EVC2: variants seen among roughly 807,000 people sequenced by gnomAD.
The protein encoded by EVC2 is EvC ciliary complex subunit 2, also known as limbin.
A neutral mutation model predicts 149.3 loss-of-function variants in EVC2; 148 were observed. The observed-to-expected ratio is 0.99, with a 90% CI of 0.87 to 1.14. EVC2 has a LOEUF of 1.14. Ranked by LOEUF, EVC2 falls within the 50% of genes most tolerant of loss-of-function variation. The probability of loss-of-function intolerance (pLI) is 0.00; values close to 1 mark genes in which losing one functional copy is unlikely to be tolerated. For synonymous variants in EVC2, 776 were observed against 649.9 expected (o/e 1.19, Z -2.95); for missense variants, 1,854 against 1,627.3 (o/e 1.14, Z -2.40).
chr4:5,678,753 T>C (rs1720152810), intron 7 of EVC2, among the ~76,000 whole-genome samples: 1 of 152,096 alleles, frequency 6.6e-6, no homozygotes. Context: ...GATCCAAGTA[T>C]GGAAAAGGTA....
intron 3 of EVC2, among the ~76,000 whole-genome samples, chr4:5,692,596 G>A (rs979346879): frequency 1.3e-5 from 2 of 151,986 alleles, no homozygotes; most frequent in Non-Finnish European, 2.9e-5. Flanking sequence ...TGCCGGGCGC[G>A]GTGGCTCACG....
intron 11 of EVC2, among the ~76,000 whole-genome samples, chr4:5,631,171 A>G (rs1226558702): frequency 6.6e-6 from 1 of 152,228 alleles, no homozygotes; most frequent in Non-Finnish European, 1.5e-5. Context: ...ATCCAAGTAT[A>G]TCCAGGCACA....
chr4:5,708,488 C>A lies in EVC2; in HGVS notation c.26G>T (p.Arg9Leu). The change falls in exon 1 of 22, where the codon CGC becomes CTC. Residue 9 changes from arginine to leucine, a missense_variant. By Grantham distance (102) the Arg-to-Leu change is moderately radical (BLOSUM62 -2). Transcript: ENST00000344408. ...ACCCCCGGCCAGCACCCACGTGGGG[C>A]GCCCCCGGGAGCCCGAGGGGTCCAT... MDPSGSRG[R>L]PTWVLAGGLL... is the part of the protein sequence containing the mutation. The A allele has an allele frequency of 6.7e-7, 1 of 1,482,628 alleles. No individual in the cohort carries two copies. Among genetic ancestry groups the A allele is most frequent in the Non-Finnish European group, 8.9e-7 (1 of 1,124,434 alleles). The allele number at this position is 1,482,628 out of a possible 1,614,324, so 91.8% of individuals were successfully genotyped here.
At chr4:5,565,119 A>G (rs1722191662) in intron 21 of EVC2, 139 bp downstream of exon 21, 1 of 785,420 alleles carries the variant, frequency 1.3e-6, no homozygotes, top group Non-Finnish European at 2.2e-6. Context: ...CTGAATAAAG[A>G]TTTGTGGTCT....
chr4:5,594,077 C>G (rs1363898185), intron 16 of EVC2, among the ~76,000 whole-genome samples: 1 of 152,198 alleles, frequency 6.6e-6, no homozygotes, highest in Non-Finnish European at 1.5e-5. Flanking sequence ...GAAGCTCAAA[C>G]TGGGTGGAGC....
intron 7 of EVC2, among the ~76,000 whole-genome samples, chr4:5,671,802 G>A (rs541192340): frequency 2.6e-5 from 4 of 152,322 alleles, no homozygotes; most frequent in South Asian, 4.1e-4. Flanking sequence ...CAGCCACTGC[G>A]CCTGGCCTCA....
intron 1 of EVC2, among the ~76,000 whole-genome samples, chr4:5,704,582 T>A (rs1482738878): frequency 6.6e-6 from 1 of 152,084 alleles, no homozygotes; most frequent in Admixed American, 6.5e-5. Context: ...GTGTGAGTAC[T>A]GACAGAAGGA....
chr4:5,664,291 G>C (rs1330834725), intron 8 of EVC2, among the ~76,000 whole-genome samples: 1 of 152,164 alleles, frequency 6.6e-6, no homozygotes, highest in Non-Finnish European at 1.5e-5. Context: ...CTTTAGAGCA[G>C]ACCACTGACC....
chr4:5,635,458 TGTCCCCTGGAGGGA>T (rs1325015522), intron 10 of EVC2, among the ~76,000 whole-genome samples: 1 of 134,908 alleles, frequency 7.4e-6, no homozygotes, highest in Admixed American at 6.9e-5. Context: ...GAAAAGCAAG[TGTCCCCTGGAGGGA>T]GTGTCCCATG....
upstream of EVC2, chr4:5,709,338 C>A (rs1378398222): frequency 6.6e-6 from 1 of 152,264 alleles, no homozygotes; most frequent in Non-Finnish European, 1.5e-5. Flanking sequence ...CTGCCTAGGT[C>A]CTGGGTGACA....
At chr4:5,682,020 CCT>C (rs1720381278) in intron 6 of EVC2, among the ~76,000 whole-genome samples, 1 of 152,182 alleles carries the variant, frequency 6.6e-6, no homozygotes, top group African/African-American at 2.4e-5. Context: ...CCTCTCTGTG[CCT>C]CTGTTTTCTC....
At chr4:5,572,254 T>C (rs2108774742) in intron 19 of EVC2, among the ~76,000 whole-genome samples, 1 of 152,318 alleles carries the variant, frequency 6.6e-6, no homozygotes, top group African/African-American at 2.4e-5. Context: ...TCTGGCAGTA[T>C]TTATTCTGCA....
downstream of EVC2, among the ~76,000 whole-genome samples, chr4:5,559,007 A>G (rs1721890664): frequency 6.6e-6 from 1 of 152,120 alleles, no homozygotes; most frequent in Non-Finnish European, 1.5e-5. This position sits in a 1 kb window ranked among gnomAD's most constrained non-coding sequence, Gnocchi z 5.0. Flanking sequence ...AGCCTGGACA[A>G]CATAGTGGGA....
chr4:5,660,251 A>C (rs1718790966), intron 9 of EVC2, among the ~76,000 whole-genome samples: 1 of 152,190 alleles, frequency 6.6e-6, no homozygotes, highest in Non-Finnish European at 1.5e-5. Context: ...CTCTTGGTGC[A>C]AGGTCAGCCC....
downstream of EVC2, among the ~76,000 whole-genome samples, chr4:5,561,179 T>G (rs1721940631): frequency 6.6e-6 from 1 of 152,206 alleles, no homozygotes. Flanking sequence ...TTATCAGAAA[T>G]GCAGACAATT....
the EVC2 span, among the ~76,000 whole-genome samples, chr4:5,532,108 G>C: frequency 6.6e-6 from 1 of 152,066 alleles, no homozygotes; most frequent in African/African-American, 2.4e-5. Flanking sequence ...CATGGATACA[G>C]AGGGCCACTG....
chr4:5,617,275 T>C (rs1330605522), intron 15 of EVC2, among the ~76,000 whole-genome samples: 1 of 152,176 alleles, frequency 6.6e-6, no homozygotes, highest in Non-Finnish European at 1.5e-5. Context: ...GGCCACTCAC[T>C]TTTCCTCTGC....
chr4:5,594,066 G>A lies in EVC2; in HGVS notation c.2830-9216C>T, dbSNP rs926186625. 7.2e-5 allele frequency among the ~76,000 whole-genome samples: 11 copies of A among 152,162 alleles called. 1 individual carries two copies. The highest frequency in any genetic ancestry group is 5.8e-4 in the East Asian group (3 of 5,174). On this transcript the variant is annotated intron_variant, in intron 16 of 21. Coordinates refer to ENST00000344408, the MANE Select transcript of EVC2 (RefSeq NM_147127.5). Reference sequence around the variant, plus strand: ...CTTGCTTAGGTAAACAAAGCAGCCCGGAAGCTCAAACTGGGTGGAGCCCAC... The same window carrying A: ...CTTGCTTAGGTAAACAAAGCAGCCCAGAAGCTCAAACTGGGTGGAGCCCAC...
At chr4:5,645,104 T>G (rs1482279818) in intron 9 of EVC2, among the ~76,000 whole-genome samples, 1 of 152,216 alleles carries the variant, frequency 6.6e-6, no homozygotes, top group African/African-American at 2.4e-5. Context: ...TCCCCCATAA[T>G]GGTACTATAT....
Sources: gnomAD v4.1 joint callset for allele counts (sites outside exome capture counted in the v4.1 genomes callset) on GRCh38, gnomAD v4.1.1 for gene constraint, Gnocchi (gnomAD v3.1) non-coding constraint, MANE v1.5 for transcripts, NCBI Gene and HGNC (gene_info 2026-07-23, HGNC 2026-07-21) for gene names.